RNF182: variants seen among roughly 807,000 people sequenced by gnomAD.
RNF182 encodes the protein ring finger protein 182.
Under a neutral mutation model 14.4 loss-of-function variants are expected in RNF182, and 15 were observed. The ratio of observed to expected loss-of-function variants is 1.04; its 90% confidence interval spans 0.70 to 1.60. The LOEUF is 1.60. Ranked by LOEUF, RNF182 falls within the 40% of genes most tolerant of loss-of-function variation. The pLI, the probability that RNF182 is intolerant of heterozygous loss-of-function variation, is 0.00. For synonymous variants in RNF182, 128 were observed against 122.9 expected, an observed-to-expected ratio of 1.04 and a Z score of -0.27; for missense variants, 268 against 294.8, an observed-to-expected ratio of 0.91 and a Z score of 0.67.
At chr6:13,947,355 A>G (rs755564177) in intron 1 of RNF182, among the ~76,000 whole-genome samples, 1 of 152,246 alleles carries the variant, frequency 6.6e-6, no homozygotes, top group Non-Finnish European at 1.5e-5. Flanking sequence ...ATTTTTATTT[A>G]AACAAACCAT....
intron 1 of RNF182, among the ~76,000 whole-genome samples, chr6:13,955,440 C>T (rs922686653): frequency 2.0e-5 from 3 of 152,160 alleles, no homozygotes; most frequent in Non-Finnish European, 4.4e-5. Context: ...TGTGTCTTTC[C>T]CTTGGTTATT....
intron 1 of RNF182, among the ~76,000 whole-genome samples, chr6:13,972,807 C>T (rs1400929532): frequency 6.6e-6 from 1 of 152,126 alleles, no homozygotes; most frequent in African/African-American, 2.4e-5. Context: ...AGGGGTGGGG[C>T]CCTCATGGAG....
intron 1 of RNF182, among the ~76,000 whole-genome samples, chr6:13,959,431 A>G (rs1330776944): frequency 6.6e-6 from 1 of 152,220 alleles, no homozygotes; most frequent in East Asian, 1.9e-4. Flanking sequence ...TAATAAACGG[A>G]TGGTAGATAT....
At chr6:13,952,210 A>G (rs1585038841) in intron 1 of RNF182, among the ~76,000 whole-genome samples, 1 of 152,176 alleles carries the variant, frequency 6.6e-6, no homozygotes, top group African/African-American at 2.4e-5. Flanking sequence ...GTGCAGCAAC[A>G]CTGAATCAAA....
intron 1 of RNF182, among the ~76,000 whole-genome samples, chr6:13,951,942 C>T (rs1306305935): frequency 6.6e-6 from 1 of 152,200 alleles, no homozygotes. Flanking sequence ...CCAGCATCAA[C>T]CTGGCAAGGC....
At chr6:13,929,194 G>A (rs1758906601) in intron 1 of RNF182, among the ~76,000 whole-genome samples, 1 of 152,094 alleles carries the variant, frequency 6.6e-6, no homozygotes, top group African/African-American at 2.4e-5. Context: ...TTATCTAATT[G>A]GTCAGGTACA....
At chr6:13,962,230 A>G (rs1759901262) in intron 1 of RNF182, among the ~76,000 whole-genome samples, 2 of 152,316 alleles carry the variant, frequency 1.3e-5, no homozygotes, top group African/African-American at 4.8e-5. Context: ...TCTTGGAGGT[A>G]GATGCCACAT....
intron 1 of RNF182, among the ~76,000 whole-genome samples, chr6:13,966,200 G>A (rs571193124): frequency 6.6e-6 from 1 of 152,212 alleles, no homozygotes; most frequent in East Asian, 1.9e-4. Context: ...TAAGAATTTA[G>A]AAATATCATC....
intron 1 of RNF182, among the ~76,000 whole-genome samples, chr6:13,955,345 A>T (rs976278588): frequency 1.3e-5 from 2 of 152,260 alleles, no homozygotes; most frequent in Non-Finnish European, 2.9e-5. Flanking sequence ...TTCTATAAAA[A>T]GAATTTTACC....
At chr6:13,935,796 A>G (rs965661329) in intron 1 of RNF182, among the ~76,000 whole-genome samples, 1 of 152,264 alleles carries the variant, frequency 6.6e-6, no homozygotes, top group Non-Finnish European at 1.5e-5. Context: ...TTTGAGATAG[A>G]CATCACTTAT....
chr6:13,960,010 G>C (rs996695655), intron 1 of RNF182, among the ~76,000 whole-genome samples: 1 of 152,170 alleles, frequency 6.6e-6, no homozygotes, highest in Non-Finnish European at 1.5e-5. Flanking sequence ...TAGAAGAGGA[G>C]CTGGCAGAAA....
intron 1 of RNF182, among the ~76,000 whole-genome samples, chr6:13,955,137 C>A (rs778314160): frequency 6.6e-6 from 1 of 152,164 alleles, no homozygotes; most frequent in Non-Finnish European, 1.5e-5. Context: ...GCTTTGAGGG[C>A]CAATATGGTC....
intron 1 of RNF182, among the ~76,000 whole-genome samples, chr6:13,960,588 G>A (rs280179): frequency 0.4 from 61,002 of 151,924 alleles, 13,540 homozygotes; most frequent in Middle Eastern, 0.52. Context: ...TATTGATGAA[G>A]GACAGTTGGT....
chr6:13,926,459 T>C (rs1758827924), intron 1 of RNF182, among the ~76,000 whole-genome samples: 1 of 152,226 alleles, frequency 6.6e-6, no homozygotes, highest in South Asian at 2.1e-4. Flanking sequence ...GCCACTTCAT[T>C]AGAAGATTGT....
At chr6:13,945,287 C>T (rs994458898) in intron 1 of RNF182, among the ~76,000 whole-genome samples, 2 of 152,060 alleles carry the variant, frequency 1.3e-5, no homozygotes, top group African/African-American at 2.4e-5. Flanking sequence ...TTATTGTGGC[C>T]CACTTTAGGG....
rs933860708 is a variant in RNF182 at position 13,980,293 on chromosome 6, ATCG to A, written c.*2433_*2435del. On this transcript the variant is annotated 3_prime_UTR_variant, in exon 3 of 3. Transcript: ENST00000488300. ...AAATTAGGGGAGATGAAATAAAAAT[ATCG>A]TCTTTATAAATAAATTCTTCGGTTT... 1.3e-5 allele frequency: 2 copies of A among 151,642 alleles called. No individual in the cohort carries two copies. The highest frequency in any genetic ancestry group is 2.9e-5 in the Non-Finnish European group (2 of 67,884). 9.4% of individuals were successfully genotyped at this position (151,642 alleles called of 1,614,324 possible). A position where few individuals can be genotyped will look rare whatever the true frequency, so the allele number is the denominator to read the frequency against.
chr6:13,935,909 T>A (rs1004869820), intron 1 of RNF182, among the ~76,000 whole-genome samples: 10 of 152,216 alleles, frequency 6.6e-5, no homozygotes, highest in African/African-American at 2.4e-4. Context: ...GTGGGTAATT[T>A]ATGAAGAAAA....
intron 1 of RNF182, among the ~76,000 whole-genome samples, chr6:13,956,983 C>T (rs1427451429): frequency 6.6e-6 from 1 of 151,968 alleles, no homozygotes; most frequent in Non-Finnish European, 1.5e-5. Flanking sequence ...TAGTAAATCA[C>T]CTGTCCACTG....
chr6:13,976,957 C>A lies in RNF182; in HGVS notation c.-163C>A. 1 of 723,144 alleles carries A rather than the reference C, an allele frequency of 1.4e-6. No individual in the cohort carries two copies. Among genetic ancestry groups the A allele is most frequent in the Non-Finnish European group, 2.3e-6 (1 of 426,842 alleles). The allele number at this position is 723,144 out of a possible 1,614,324, so 44.8% of individuals were successfully genotyped here. A position where few individuals can be genotyped will look rare whatever the true frequency, so the allele number is the denominator to read the frequency against. Reference sequence around the variant, plus strand: ...TATGCGTTTGAGACAGAGTTATATGCAGAAGTTGAAAATGCCTGGAAGATT... The same window carrying A: ...TATGCGTTTGAGACAGAGTTATATGAAGAAGTTGAAAATGCCTGGAAGATT... On this transcript the variant is annotated 5_prime_UTR_variant, in exon 3 of 3. Transcript: ENST00000488300.
Sources: allele counts gnomAD v4.1 joint callset (sites outside exome capture counted in the v4.1 genomes callset), GRCh38; gene constraint gnomAD v4.1.1; transcripts MANE v1.5; gene names NCBI Gene and HGNC (gene_info 2026-07-23, HGNC 2026-07-21).